Variants in H6PD observed in about 807,000 individuals in gnomAD.
The protein encoded by H6PD is GDH/6PGL endoplasmic bifunctional protein.
In H6PD, 48 loss-of-function variants were observed where a neutral mutation model predicts 61.2. That is an observed-to-expected ratio of 0.78 (90% CI 0.62 to 1.00). The LOEUF (loss-of-function observed/expected upper bound fraction) is 1.00, where lower values mean the gene tolerates loss of function less well. H6PD is among the 50% of genes least tolerant of loss of function. H6PD has a pLI of 0.00. For synonymous variants in H6PD, 480 were observed against 457.9 expected, an observed-to-expected ratio of 1.05 and a Z score of -0.62; for missense variants, 1,093 against 1,065.0, an observed-to-expected ratio of 1.03 and a Z score of -0.37.
At chr1:9,242,354 A>T (rs1641022925) in intron 1 of H6PD, among the ~76,000 whole-genome samples, 1 of 152,132 alleles carries the variant, frequency 6.6e-6, no homozygotes, top group Non-Finnish European at 1.5e-5. Context: ...CATAAAAAAA[A>T]AAATACCCAC....
chr1:9,250,109 C>T (rs561376310), intron 3 of H6PD, among the ~76,000 whole-genome samples: 3 of 152,228 alleles, frequency 2.0e-5, no homozygotes, highest in African/African-American at 7.2e-5. Context: ...GGGACAGGCA[C>T]CGCAGACCTG....
chr1:9,262,917 C>T (rs150731320), intron 4 of H6PD, among the ~76,000 whole-genome samples: 8 of 152,286 alleles, frequency 5.3e-5, no homozygotes, highest in African/African-American at 1.2e-4. Context: ...GGTGAGGAAA[C>T]GTAAGGCTCG....
In H6PD at chr1:9,264,985, C is replaced by A; in HGVS notation, c.*116C>A. 8.9e-7 allele frequency: 1 copy of A among 1,119,170 alleles called. No individual in the cohort carries two copies. 69.3% of individuals were successfully genotyped at this position (1,119,170 alleles called of 1,614,324 possible). Reference sequence around the variant, plus strand: ...CCCTGGCTCTCCAGAACCTTCTATCCCACAGTCAGGCCCCAGAGAGGGCAG... The same window carrying A: ...CCCTGGCTCTCCAGAACCTTCTATCACACAGTCAGGCCCCAGAGAGGGCAG... On this transcript the variant is annotated 3_prime_UTR_variant, in exon 5 of 5. Transcript: ENST00000377403.
At position 9,270,247 on chromosome 1, in the gene H6PD, T is replaced by G. The variant is rs1638704640; in HGVS notation, c.*5378T>G. 6.6e-6 allele frequency: 1 copy of G among 152,584 alleles called. No individual in the cohort carries two copies. The highest frequency in any genetic ancestry group is 6.5e-5 in the Admixed American group (1 of 15,274). The allele number at this position is 152,584 out of a possible 1,614,324, so 9.5% of individuals were successfully genotyped here. A position where few individuals can be genotyped will look rare whatever the true frequency, so the allele number is the denominator to read the frequency against. On this transcript the variant is annotated 3_prime_UTR_variant, in exon 5 of 5. Transcript: ENST00000377403. ...TTTAAAGGCAGTCTGCATCTTTTCT[T>G]CCCTTGGTGTGGGAGAGGTAAACAC...
Position 9,269,058 on chromosome 1 carries a change from AC to A in H6PD, c.*4190del, listed in dbSNP as rs1638664266. 1 of 150,716 alleles carries A rather than the reference AC, an allele frequency of 6.6e-6. No individual in the cohort carries two copies. Among genetic ancestry groups the A allele is most frequent in the African/African-American group, 2.4e-5 (1 of 40,946 alleles). The allele number at this position is 150,716 out of a possible 1,614,324, so 9.3% of individuals were successfully genotyped here. A position where few individuals can be genotyped will look rare whatever the true frequency, so the allele number is the denominator to read the frequency against. ...TACTCCACTGATTTAAAAAAAAAAA[AC>A]TGCCTGGCAGCATCTCAGTGTCAGA... On this transcript the variant is annotated 3_prime_UTR_variant, in exon 5 of 5. Transcript: ENST00000377403. The surrounding 1 kb of genome is among the most constrained non-coding windows in gnomAD (Gnocchi z 4.3).
At position 9,263,833 on chromosome 1, in the gene H6PD, A is replaced by G; in HGVS notation, c.1340A>G (p.Tyr447Cys). Reference sequence around the variant, plus strand: ...TTCGGCAGCCCTCTGTCCGATTACTACGCCTACAGCCCTGTGCGGGAGCGG... The same window carrying G: ...TTCGGCAGCCCTCTGTCCGATTACTGCGCCTACAGCCCTGTGCGGGAGCGG... ...RLFGSPLSDY[Y>C]AYSPVRERDA... The change falls in exon 5 of 5, where the codon TAC becomes TGC. Residue 447 changes from tyrosine (Y) to cysteine (C), a missense_variant. By Grantham distance (194) the Tyr-to-Cys change is radical. Coordinates refer to ENST00000377403, the MANE Select transcript of H6PD (RefSeq NM_004285.4). The G allele has an allele frequency of 1.2e-6, 2 of 1,613,820 alleles. No individual in the cohort carries two copies. The highest frequency in any genetic ancestry group is 8.5e-7 in the Non-Finnish European group (1 of 1,179,980).
intron 3 of H6PD, among the ~76,000 whole-genome samples, chr1:9,258,908 A>G (rs1280630703): frequency 6.6e-6 from 1 of 152,002 alleles, no homozygotes; most frequent in Non-Finnish European, 1.5e-5. Context: ...CTGTTGTTAC[A>G]TCGGTGTTAT....
rs770207816 is a variant in H6PD, at chr1:9,270,168, G to C, written c.*5299G>C. The C allele has an allele frequency of 2.6e-5, 4 of 152,674 alleles. No individual in the cohort carries two copies. Among genetic ancestry groups the C allele is most frequent in the African/African-American group, 4.8e-5 (2 of 41,446 alleles). The allele number at this position is 152,674 out of a possible 1,614,324, so 9.5% of individuals were successfully genotyped here. A position where few individuals can be genotyped will look rare whatever the true frequency, so the allele number is the denominator to read the frequency against. On this transcript the variant is annotated 3_prime_UTR_variant, in exon 5 of 5. Transcript: ENST00000377403. ...GCACTGGAGTAATGACACTTCTGCTGCTGCTTTGATTCTCAAGGCTGATCT... is the reference window on the plus strand; with the variant it reads ...GCACTGGAGTAATGACACTTCTGCTCCTGCTTTGATTCTCAAGGCTGATCT...
Position 9,263,587 on chromosome 1 carries a change from G to A in H6PD, c.1094G>A (p.Arg365Lys). 6.2e-6 allele frequency: 10 copies of A among 1,614,240 alleles called. No homozygotes were observed. Among genetic ancestry groups the A allele is most frequent in the Non-Finnish European group, 8.5e-6 (10 of 1,180,024 alleles). The change falls in exon 5 of 5, where the codon AGA (arginine) becomes AAA (lysine). Residue 365 changes from arginine (R) to lysine (K), a missense_variant. By Grantham distance (26) the Arg-to-Lys change is conservative (BLOSUM62 2). Transcript: ENST00000377403. ...ATGTCTGGCAAAGCCTTGGACGAGAGAGTGGGCTACGCTCGGATCTTGTTC... is the reference window on the plus strand; with the variant it reads ...ATGTCTGGCAAAGCCTTGGACGAGAAAGTGGGCTACGCTCGGATCTTGTTC... ...ILMSGKALDERVGYARILFKN... is the reference protein window; with the variant it reads ...ILMSGKALDEKVGYARILFKN...
chr1:9,269,236 C>A lies in H6PD; in HGVS notation c.*4367C>A, dbSNP rs1001987042. 1.3e-5 allele frequency: 2 copies of A among 152,302 alleles called. No individual in the cohort carries two copies. Among genetic ancestry groups the A allele is most frequent in the African/African-American group, 4.8e-5 (2 of 41,452 alleles). The allele number at this position is 152,302 out of a possible 1,614,324, so 9.4% of individuals were successfully genotyped here. A position where few individuals can be genotyped will look rare whatever the true frequency, so the allele number is the denominator to read the frequency against. ...CATGTGACCCACTAGGGGCCGCTTA[C>A]CCCTGGCCGTCCGCTGGCTGAACTG... is the stretch of plus-strand genomic sequence containing the variant. On this transcript the variant is annotated 3_prime_UTR_variant, in exon 5 of 5. Transcript: ENST00000377403. The surrounding 1 kb of genome is among the most constrained non-coding windows in gnomAD (Gnocchi z 4.3).
Position 9,262,008 on chromosome 1 carries a change from T to C in H6PD, c.746-51T>C, listed in dbSNP as rs771362986. On this transcript the variant is annotated intron_variant, in intron 3 of 4. Transcript: ENST00000377403. ...TTTGGTGCACCTCGGGGAGATCTGA[T>C]GTTCTGGCCTCTCTTTAGATCCTCC... is the stretch of plus-strand genomic sequence containing the variant. The C allele has an allele frequency of 4.4e-6, 7 of 1,591,552 alleles. No individual in the cohort carries two copies. In the East Asian group the frequency reaches 1.6e-4, roughly 36 times the overall value.
intron 1 of H6PD, among the ~76,000 whole-genome samples, chr1:9,241,761 C>T (rs1204542112): frequency 6.6e-6 from 1 of 152,104 alleles, no homozygotes; most frequent in Non-Finnish European, 1.5e-5. Flanking sequence ...GGTCCTTGGA[C>T]CCCAATGCTT....
chr1:9,258,278 T>C (rs986878628), intron 3 of H6PD, among the ~76,000 whole-genome samples: 1 of 61,100 alleles, frequency 1.6e-5, no homozygotes, highest in African/African-American at 3.6e-5. Flanking sequence ...GTTACGTTGC[T>C]GTTGTTACAC....
At chr1:9,248,555 C>T (rs985224803) in intron 3 of H6PD, among the ~76,000 whole-genome samples, 40 of 151,948 alleles carry the variant, frequency 2.6e-4, no homozygotes, top group African/African-American at 9.2e-4. Context: ...CCCAGCTACT[C>T]GGGGGCAGAG....
intron 1 of H6PD, among the ~76,000 whole-genome samples, chr1:9,235,625 A>G: frequency 6.6e-6 from 1 of 152,176 alleles, no homozygotes; most frequent in East Asian, 1.9e-4. Context: ...TCTTTTACTT[A>G]TAAAAGATGG....
At chr1:9,241,415 C>G (rs190451725) in intron 1 of H6PD, among the ~76,000 whole-genome samples, 1 of 152,006 alleles carries the variant, frequency 6.6e-6, no homozygotes, top group Admixed American at 6.6e-5. Flanking sequence ...TATTTATTTA[C>G]TTTTTTTGAG....
In H6PD at chr1:9,264,271, C is replaced by G; in HGVS notation, c.1778C>G (p.Ser593Trp). 2 of 1,609,816 alleles carry G rather than the reference C, an allele frequency of 1.2e-6. No individual in the cohort carries two copies. Among genetic ancestry groups the G allele is most frequent in the South Asian group, 1.1e-5 (1 of 90,896 alleles). Residue 593 changes from serine to tryptophan, a missense_variant, in exon 5 of 5, where the codon TCG (serine) becomes TGG (tryptophan). By Grantham distance (177) the Ser-to-Trp change is radical. Transcript: ENST00000377403. ...TTCCACCTGGCACTGTCGGGGGGCT[C>G]GAGCCCCGTGGCCCTGTTCCAGCAG... ...GQFHLALSGG[S>W]SPVALFQQLA...
At position 9,264,492 on chromosome 1, in the gene H6PD, G is replaced by A; in HGVS notation, c.1999G>A (p.Asp667Asn). The change falls in exon 5 of 5, where the codon GAC (aspartate) becomes AAC (asparagine). Residue 667 changes from aspartate to asparagine, a missense_variant. Asp to Asn is a conservative substitution (Grantham distance 23). Transcript: ENST00000377403. ...HLQQRLCAEE[D>N]QGAQIYAREI... The stretch of plus-strand genomic sequence containing the variant: ...GCAGCAGCGGCTCTGCGCCGAGGAG[G>A]ACCAGGGCGCCCAGATCTATGCCAG... The A allele has an allele frequency of 6.2e-7, 1 of 1,613,202 alleles. No individual in the cohort carries two copies. Among genetic ancestry groups the A allele is most frequent in the Non-Finnish European group, 8.5e-7 (1 of 1,179,892 alleles).
chr1:9,260,560 C>G (rs958771037), intron 3 of H6PD, among the ~76,000 whole-genome samples: 2 of 152,034 alleles, frequency 1.3e-5, no homozygotes, highest in Non-Finnish European at 2.9e-5. Context: ...CGTTGTTACT[C>G]TGCTGTTGTT....
Sources: allele counts gnomAD v4.1 joint callset (sites outside exome capture counted in the v4.1 genomes callset), GRCh38; gene constraint gnomAD v4.1.1; non-coding constraint Gnocchi (gnomAD v3.1); transcripts MANE v1.5; gene names NCBI Gene and HGNC (gene_info 2026-07-23, HGNC 2026-07-21).